SEMA3C: variants seen among roughly 807,000 people sequenced by gnomAD.
SEMA3C encodes the protein semaphorin-3C.
Under a neutral mutation model 89.4 loss-of-function variants are expected in SEMA3C, and 47 were observed. The ratio of observed to expected loss-of-function variants is 0.53; its 90% CI spans 0.42 to 0.67. The LOEUF is 0.67. SEMA3C is among the 30% of genes least tolerant of loss of function. The pLI is 0.00. For missense variants in SEMA3C, 839 were observed against 929.1 expected (o/e 0.90, Z 1.26); for synonymous variants, 310 against 320.2 (o/e 0.97, Z 0.34).
chr7:80,748,791 T>C, intron 17 of SEMA3C, 107 bp downstream of exon 17: 2 of 1,109,368 alleles, frequency 1.8e-6, no homozygotes, highest in Non-Finnish European at 2.5e-6. Flanking sequence ...ACGTAAAAGA[T>C]GATCATATGC....
intron 12 of SEMA3C, among the ~76,000 whole-genome samples, chr7:80,778,073 AC>A (rs1788592322): frequency 6.6e-6 from 1 of 152,270 alleles, no homozygotes; most frequent in South Asian, 2.1e-4. Context: ...GGTTAAAAAA[AC>A]CCCCATAATA....
At chr7:80,800,411 G>A (rs1583889575) in intron 10 of SEMA3C, among the ~76,000 whole-genome samples, 1 of 152,134 alleles carries the variant, frequency 6.6e-6, no homozygotes, top group East Asian at 1.9e-4. Flanking sequence ...TATTACCTCT[G>A]ATAACAGCAA....
intron 2 of SEMA3C, among the ~76,000 whole-genome samples, chr7:80,840,607 GTCTC>G: frequency 6.6e-6 from 1 of 151,480 alleles, no homozygotes; most frequent in Middle Eastern, 3.2e-3. Flanking sequence ...CAAAAATTTG[GTCTC>G]TCTTTCAAAC....
chr7:80,882,876 T>G (rs369010499), intron 2 of SEMA3C, among the ~76,000 whole-genome samples: 1 of 151,928 alleles, frequency 6.6e-6, no homozygotes, highest in South Asian at 2.1e-4. Flanking sequence ...ATATGAAAAT[T>G]TAAAAAAGAA....
At chr7:80,773,821 A>G (rs1788487309) in intron 12 of SEMA3C, among the ~76,000 whole-genome samples, 1 of 152,158 alleles carries the variant, frequency 6.6e-6, no homozygotes, top group Non-Finnish European at 1.5e-5. Flanking sequence ...CCTGGGCTAT[A>G]TATGCAGGAT....
chr7:80,839,994 C>G (rs2115871682), intron 2 of SEMA3C, among the ~76,000 whole-genome samples: 1 of 152,220 alleles, frequency 6.6e-6, no homozygotes, highest in South Asian at 2.1e-4. Flanking sequence ...AGTCAGCACA[C>G]TTAATTATAG....
At chr7:80,768,508 C>A (rs1324683463) in intron 12 of SEMA3C, among the ~76,000 whole-genome samples, 1 of 140,844 alleles carries the variant, frequency 7.1e-6, no homozygotes, top group Admixed American at 7.1e-5. Flanking sequence ...AGCGAGACTC[C>A]GTCTAAAAAA....
At chr7:80,875,456 T>C (rs1002916318) in intron 2 of SEMA3C, among the ~76,000 whole-genome samples, 1 of 152,200 alleles carries the variant, frequency 6.6e-6, no homozygotes, top group Non-Finnish European at 1.5e-5. Context: ...CCAATTAATG[T>C]GGAGTAGTCC....
At chr7:80,885,221 T>C (rs575338465) in intron 2 of SEMA3C, among the ~76,000 whole-genome samples, 1 of 152,162 alleles carries the variant, frequency 6.6e-6, no homozygotes, top group Non-Finnish European at 1.5e-5. Context: ...ATACCTTTTT[T>C]TGTTTGTTTG....
intron 2 of SEMA3C, among the ~76,000 whole-genome samples, chr7:80,878,778 G>T (rs184838402): frequency 3.0e-4 from 46 of 152,258 alleles, no homozygotes; most frequent in African/African-American, 1.1e-3. Flanking sequence ...TAAAGATAGT[G>T]ATGGAAGCCT....
At chr7:80,877,979 A>G (rs1791239696) in intron 2 of SEMA3C, among the ~76,000 whole-genome samples, 1 of 152,174 alleles carries the variant, frequency 6.6e-6, no homozygotes, top group African/African-American at 2.4e-5. Context: ...AAAGTTTTGT[A>G]TTGACAACTT....
At chr7:80,777,765 T>G (rs1157590480) in intron 12 of SEMA3C, among the ~76,000 whole-genome samples, 1 of 152,198 alleles carries the variant, frequency 6.6e-6, no homozygotes, top group Non-Finnish European at 1.5e-5. Context: ...GAGTTAAACC[T>G]TTAGGCAGGT....
chr7:80,803,974 T>C (rs1037783661), intron 8 of SEMA3C, 132 bp downstream of exon 8: 4 of 774,824 alleles, frequency 5.2e-6, no homozygotes, highest in Non-Finnish European at 7.6e-6. Flanking sequence ...ATAATGATGA[T>C]GAATAAATGT....
intron 2 of SEMA3C, chr7:80,915,544 C>A (rs1792249449): frequency 6.6e-6 from 1 of 152,188 alleles, no homozygotes; most frequent in Non-Finnish European, 1.5e-5. Context: ...GAGATCGAGA[C>A]CATCCTGGCC....
Position 80,798,170 on chromosome 7 carries a change from C to G in SEMA3C, c.1053G>C (p.Gly351=). 1 of 1,606,946 alleles carries G rather than the reference C, an allele frequency of 6.2e-7. No homozygotes were observed. The highest frequency in any genetic ancestry group is 8.5e-7 in the Non-Finnish European group (1 of 1,176,920). Reference sequence around the variant, plus strand: ...TGGGCCCTTCTTTGTGGGCAAAAGGCCCATTAAACACAGTCTGTATATCAG... The same window carrying G: ...TGGGCCCTTCTTTGTGGGCAAAAGGGCCATTAAACACAGTCTGTATATCAG... The part of the protein sequence containing the change: ...HLSDIQTVFN[G]PFAHKEGPNH... Residue 351 remains glycine (G), a synonymous_variant, in exon 11 of 18, where the codon GGG becomes GGC. Coordinates refer to ENST00000265361, the MANE Select transcript of SEMA3C (RefSeq NM_006379.5).
chr7:80,921,702 C>G (rs540624393), upstream of SEMA3C, among the ~76,000 whole-genome samples: 1 of 152,076 alleles, frequency 6.6e-6, no homozygotes, highest in Non-Finnish European at 1.5e-5. Context: ...TTCAGACGAG[C>G]GGCCAAACTA....
At chr7:80,921,577 AC>A (rs1210860348), upstream of SEMA3C, among the ~76,000 whole-genome samples, 1 of 152,204 alleles carries the variant, frequency 6.6e-6, no homozygotes, top group Non-Finnish European at 1.5e-5. Context: ...GTGGAAAACA[AC>A]AGCTAATTGA....
chr7:80,904,225 G>A (rs1012361666), intron 2 of SEMA3C, among the ~76,000 whole-genome samples: 1 of 152,030 alleles, frequency 6.6e-6, no homozygotes, highest in African/African-American at 2.4e-5. Context: ...AATTTTAGTA[G>A]AGACTAGATT....
intron 6 of SEMA3C, among the ~76,000 whole-genome samples, chr7:80,806,847 C>T (rs774092550): frequency 1.3e-5 from 2 of 152,116 alleles, no homozygotes; most frequent in African/African-American, 2.4e-5. Context: ...TGGAACATTT[C>T]AAAGTACTCT....
Sources: gnomAD v4.1 joint callset for allele counts (sites outside exome capture counted in the v4.1 genomes callset) on GRCh38, gnomAD v4.1.1 for gene constraint, MANE v1.5 for transcripts, NCBI Gene and HGNC (gene_info 2026-07-23, HGNC 2026-07-21) for gene names.